Variants in CDYL observed in about 807,000 individuals in gnomAD.
The protein encoded by CDYL is chromodomain Y-like protein.
A neutral mutation model predicts 47.3 loss-of-function variants in CDYL; 8 were observed. The ratio of observed to expected loss-of-function variants is 0.17; its 90% CI spans 0.10 to 0.31. CDYL has a LOEUF of 0.31. CDYL is among the 10% of genes least tolerant of loss of function. CDYL has a pLI of 1.00. For synonymous variants in CDYL, 266 were observed against 265.0 expected, an observed-to-expected ratio of 1.00 and a Z score of -0.04; for missense variants, 471 against 701.4, an observed-to-expected ratio of 0.67 and a Z score of 3.71.
At chr6:4,798,255 G>A (rs1034183567) in intron 1 of CDYL, among the ~76,000 whole-genome samples, 4 of 152,130 alleles carry the variant, frequency 2.6e-5, no homozygotes, top group African/African-American at 7.2e-5. Context: ...TTACATGCAT[G>A]AGCCACCATG....
chr6:4,850,703 G>A (rs1760798903), intron 1 of CDYL, among the ~76,000 whole-genome samples: 3 of 152,286 alleles, frequency 2.0e-5, no homozygotes, highest in Middle Eastern at 3.4e-3. Context: ...TAGTTAGATC[G>A]TGAAAGCCAC....
intron 1 of CDYL, among the ~76,000 whole-genome samples, chr6:4,805,724 G>T (rs1236062263): frequency 6.6e-6 from 1 of 152,316 alleles, no homozygotes; most frequent in East Asian, 1.9e-4. Flanking sequence ...CATGAAGAGG[G>T]AAAGGGGATT....
intron 1 of CDYL, among the ~76,000 whole-genome samples, chr6:4,889,121 A>G (rs1406751493): frequency 1.3e-5 from 2 of 152,170 alleles, no homozygotes; most frequent in Non-Finnish European, 2.9e-5. Context: ...TTAATGGAGC[A>G]GTTTGCCTGC....
intron 2 of CDYL, among the ~76,000 whole-genome samples, chr6:4,925,935 C>T (rs763016409): frequency 2.6e-5 from 4 of 152,120 alleles, no homozygotes; most frequent in Non-Finnish European, 4.4e-5. Context: ...TAGAACTATG[C>T]GCTTCATGTA....
intron 2 of CDYL, among the ~76,000 whole-genome samples, chr6:4,907,444 TC>T (rs1757273697): frequency 1.3e-5 from 2 of 152,048 alleles, no homozygotes; most frequent in South Asian, 4.2e-4. Flanking sequence ...CACTGCCGTC[TC>T]CCCCTCCCAG....
intron 1 of CDYL, among the ~76,000 whole-genome samples, chr6:4,838,955 G>A (rs544660006): frequency 1.8e-4 from 27 of 152,300 alleles, no homozygotes; most frequent in African/African-American, 2.9e-4. Context: ...GATTACAGGC[G>A]TGAGCCACCA....
chr6:4,712,882 T>C (rs1757177332), intron 1 of CDYL, among the ~76,000 whole-genome samples: 1 of 152,216 alleles, frequency 6.6e-6, no homozygotes, highest in South Asian at 2.1e-4. Flanking sequence ...GCCTGGGCAC[T>C]GTGGATGTGG....
At chr6:4,884,234 A>G (rs1006347134) in intron 1 of CDYL, among the ~76,000 whole-genome samples, 12 of 152,230 alleles carry the variant, frequency 7.9e-5, no homozygotes, top group Non-Finnish European at 1.5e-4. Context: ...CAGAAGCTTC[A>G]GGAGAAAGCC....
intron 3 of CDYL, among the ~76,000 whole-genome samples, chr6:4,757,649 A>G (rs1487193258): frequency 1.3e-5 from 2 of 152,246 alleles, no homozygotes; most frequent in Non-Finnish European, 2.9e-5. Context: ...TCATTATTTA[A>G]GTGAAAAACT....
chr6:4,745,569 C>T lies in CDYL; in HGVS notation c.186+10725C>T, dbSNP rs546765397. ...CCAGCCTGGCCAACATAGTGAAACC[C>T]CATCTCTATTAAAAATAAAAATTAA... On this transcript the variant is annotated intron_variant, in intron 3 of 8. Transcript: ENST00000328908. 8.0e-5 allele frequency among the ~76,000 whole-genome samples: 11 copies of T among 138,176 alleles called. No individual in the cohort carries two copies. In the East Asian group the frequency reaches 2.1e-3, roughly 27 times the overall value. The allele number at this position is 138,176 out of a possible 152,430, so 90.6% of individuals were successfully genotyped here. A position where few individuals can be genotyped will look rare whatever the true frequency, so the allele number is the denominator to read the frequency against.
chr6:4,758,351 A>AATATATATATAT lies in CDYL; in HGVS notation c.186+23516_186+23527dup, dbSNP rs56250752. Among the ~76,000 whole-genome samples the AATATATATATAT allele has an allele frequency of 2.5e-3, 318 of 129,072 alleles. 3 individuals carry two copies. Among genetic ancestry groups the AATATATATATAT allele is most frequent in the African/African-American group, 8.2e-3 (269 of 32,674 alleles). The allele number at this position is 129,072 out of a possible 152,430, so 84.7% of individuals were successfully genotyped here. On this transcript the variant is annotated intron_variant, in intron 3 of 8. Transcript: ENST00000328908. ...AAGACTCATGTCTTGAAAATAAATAAATATATATATATATATATATCTCTT... is the reference window on the plus strand; with the variant it reads ...AAGACTCATGTCTTGAAAATAAATAAATATATATATATATATATATATATATATATATCTCTT...
chr6:4,740,273 A>G (rs192700783), intron 3 of CDYL, among the ~76,000 whole-genome samples: 123 of 152,306 alleles, frequency 8.1e-4, no homozygotes, highest in Non-Finnish European at 1.3e-3. Context: ...AGAACAACAC[A>G]GTGTGAGCCT....
In CDYL at chr6:4,814,378, C is replaced by CAGGT. The variant is rs576554662; in HGVS notation, c.24+37573_24+37576dup. The stretch of plus-strand genomic sequence containing the variant: ...GAACCTATTAGAAAGTGAAACTGAA[C>CAGGT]AGGTATTTTACTGTTCATGGAGCAT... On this transcript the variant is annotated intron_variant, in intron 1 of 6. Coordinates refer to ENST00000397588, the MANE Select transcript of CDYL (RefSeq NM_004824.4). Among the ~76,000 whole-genome samples the CAGGT allele has an allele frequency of 5.3e-5, 8 of 152,208 alleles. No individual in the cohort carries two copies. The South Asian group carries it at 1.7e-3, about 32-fold the overall frequency.
At chr6:4,760,853 AT>A (rs1448144954) in intron 3 of CDYL, among the ~76,000 whole-genome samples, 2,626 of 145,864 alleles carry the variant, frequency 0.018, 60 homozygotes, top group African/African-American at 0.06. Flanking sequence ...GCCTTCTGGG[AT>A]TTTTTTTTTT....
intron 1 of CDYL, among the ~76,000 whole-genome samples, chr6:4,713,730 G>A (rs1757200825): frequency 6.6e-6 from 1 of 152,024 alleles, no homozygotes; most frequent in African/African-American, 2.4e-5. Flanking sequence ...TGGGATTACA[G>A]GCATGGGCCA....
In CDYL at chr6:4,953,940, A is replaced by G. The variant is rs755686574; in HGVS notation, c.1519A>G (p.Met507Val). 5 of 1,613,926 alleles carry G rather than the reference A, an allele frequency of 3.1e-6. No homozygotes were observed. Among genetic ancestry groups the G allele is most frequent in the South Asian group, 2.2e-5 (2 of 91,052 alleles). ...AGCCCTCGTGCGCTGCAACATGAAG[A>G]TGGAGCTGGAGCAGGCCAACGAGAG... ...SKALVRCNMK[M>V]ELEQANEREC... is the part of the protein sequence containing the mutation. The change falls in exon 7 of 7, where the codon ATG (methionine) becomes GTG (valine). Residue 507 changes from methionine to valine, a missense_variant. Coordinates refer to ENST00000397588, the MANE Select transcript of CDYL (RefSeq NM_004824.4).
At chr6:4,763,377 A>C (rs543308456) in intron 3 of CDYL, among the ~76,000 whole-genome samples, 154 of 152,344 alleles carry the variant, frequency 1.0e-3, no homozygotes, top group Non-Finnish European at 1.5e-3. Flanking sequence ...ATAAGCCAAT[A>C]ATTATAATAA....
chr6:4,811,785 C>T (rs1581182249), intron 1 of CDYL, among the ~76,000 whole-genome samples: 1 of 152,068 alleles, frequency 6.6e-6, no homozygotes, highest in East Asian at 1.9e-4. Context: ...TCTTCTTTAA[C>T]AAATACTAAA....
At chr6:4,842,205 AATAAT>A (rs1340105424) in intron 1 of CDYL, among the ~76,000 whole-genome samples, 1 of 138,940 alleles carries the variant, frequency 7.2e-6, no homozygotes, top group Non-Finnish European at 1.5e-5. Flanking sequence ...TAATATAAAT[AATAAT>A]ATATAATTAT....
Sources: gnomAD v4.1 joint callset for allele counts (sites outside exome capture counted in the v4.1 genomes callset) on GRCh38, gnomAD v4.1.1 for gene constraint, MANE v1.5 for transcripts, NCBI Gene and HGNC (gene_info 2026-07-23, HGNC 2026-07-21) for gene names.